The following GLIS3 variants were observed in gnomAD, a reference collection of about 807,000 sequenced individuals.
GLIS3 encodes GLIS family zinc finger 3.
GLIS3 carries 53 observed loss-of-function variants against 78.6 expected under a neutral mutation model. That is an observed-to-expected ratio of 0.67 (90% CI 0.54 to 0.85). The LOEUF (loss-of-function observed/expected upper bound fraction) is 0.85, where lower values mean the gene tolerates loss of function less well. Among genes scored for constraint, GLIS3 ranks in the 40% least tolerant of loss-of-function variants. The probability of loss-of-function intolerance (pLI) is 0.00; values close to 1 mark genes in which losing one functional copy is unlikely to be tolerated. For missense variants in GLIS3, 1,703 were observed against 1,231.1 expected (o/e 1.38, Z -5.74); for synonymous variants, 684 against 509.9 (o/e 1.34, Z -4.60).
At chr9:3,970,695 T>C (rs1455613868) in intron 4 of GLIS3, among the ~76,000 whole-genome samples, 2 of 152,170 alleles carry the variant, frequency 1.3e-5, no homozygotes, top group African/African-American at 4.8e-5. Context: ...GAGCAGAAAC[T>C]GAGATTAAGT....
chr9:4,005,568 G>T (rs1279873510), intron 4 of GLIS3, among the ~76,000 whole-genome samples: 1 of 152,156 alleles, frequency 6.6e-6, no homozygotes, highest in African/African-American at 2.4e-5. Flanking sequence ...CATCAATAAA[G>T]TGGGGATAAG....
At chr9:4,140,194 C>T (rs1416209527) in intron 2 of GLIS3, among the ~76,000 whole-genome samples, 1 of 152,104 alleles carries the variant, frequency 6.6e-6, no homozygotes, top group African/African-American at 2.4e-5. Flanking sequence ...CATGGTGGCG[C>T]GTGCCTATAA....
intron 4 of GLIS3, among the ~76,000 whole-genome samples, chr9:4,063,559 T>A (rs1315510904): frequency 1.4e-4 from 20 of 144,316 alleles, no homozygotes; most frequent in African/African-American, 3.0e-4. Context: ...GTTCATGATT[T>A]AAAAAAAAAA....
At chr9:4,168,535 TA>T (rs1318880648) in intron 2 of GLIS3, among the ~76,000 whole-genome samples, 9 of 152,224 alleles carry the variant, frequency 5.9e-5, no homozygotes, top group African/African-American at 2.2e-4. Flanking sequence ...GCAAGTGGTT[TA>T]AAGCTCTTTA....
chr9:4,179,402 C>G (rs1466623305), intron 2 of GLIS3, among the ~76,000 whole-genome samples: 2 of 152,114 alleles, frequency 1.3e-5, no homozygotes, highest in Non-Finnish European at 2.9e-5. Flanking sequence ...TTTCAAAGGT[C>G]TTCTAAGATT....
chr9:4,336,161 C>A (rs1817753135), intron 2 of GLIS3, among the ~76,000 whole-genome samples: 1 of 152,180 alleles, frequency 6.6e-6, no homozygotes, highest in Admixed American at 6.5e-5. Flanking sequence ...CTGGCTCTAG[C>A]CCACTGCCAA....
intron 2 of GLIS3, among the ~76,000 whole-genome samples, chr9:4,241,075 C>T (rs1438591263): frequency 6.6e-6 from 1 of 152,112 alleles, no homozygotes; most frequent in African/African-American, 2.4e-5. Context: ...ACATCTCTCC[C>T]CAACTGGACA....
At position 4,188,921 on chromosome 9, in the gene GLIS3, A is replaced by C. The variant is rs906344746; in HGVS notation, c.389-62980T>G. On this transcript the variant is annotated intron_variant, in intron 2 of 10. Transcript: ENST00000381971. ...TATTAGTCTTGCTAGCGGTCTATCA[A>C]TTTTGTTGATCCTTTCAACAAACCA... is the stretch of plus-strand genomic sequence containing the variant. Among the ~76,000 whole-genome samples the C allele has an allele frequency of 6.6e-5, 10 of 152,162 alleles. No individual in the cohort carries two copies. In the East Asian group the frequency reaches 1.7e-3, roughly 26 times the overall value.
At position 4,221,580 on chromosome 9, in the gene GLIS3, T is replaced by G. The variant is rs571324324; in HGVS notation, c.388+64458A>C. Among the ~76,000 whole-genome samples the G allele has an allele frequency of 2.6e-5, 4 of 151,664 alleles. No individual in the cohort carries two copies. The East Asian group carries it at 7.7e-4, about 29-fold the overall frequency. Reference sequence around the variant, plus strand: ...GATTTAATTCAGATACCTGACTTGATTTTTTTTTCAAGTCCCCCCTTTAAT... The same window carrying G: ...GATTTAATTCAGATACCTGACTTGAGTTTTTTTTCAAGTCCCCCCTTTAAT... On this transcript the variant is annotated intron_variant, in intron 2 of 10. Coordinates refer to ENST00000381971, the MANE Select transcript of GLIS3 (RefSeq NM_001042413.2).
the GLIS3 span, among the ~76,000 whole-genome samples, chr9:4,464,895 G>C: frequency 3.9e-5 from 6 of 152,164 alleles, no homozygotes; most frequent in Non-Finnish European, 8.8e-5. Context: ...GTGAATATGA[G>C]AAGAAACCCC....
upstream of GLIS3, among the ~76,000 whole-genome samples, chr9:4,304,976 G>A (rs762893179): frequency 1.2e-4 from 18 of 152,272 alleles, no homozygotes; most frequent in African/African-American, 2.4e-4. Flanking sequence ...GACCTGCCCC[G>A]GGTAAGAGTG....
chr9:3,977,613 C>T lies in GLIS3; in HGVS notation c.1711-40424G>A, dbSNP rs924208616. Among the ~76,000 whole-genome samples the T allele has an allele frequency of 1.3e-5, 2 of 152,148 alleles. No individual in the cohort carries two copies. Among genetic ancestry groups the T allele is most frequent in the Non-Finnish European group, 2.9e-5 (2 of 68,016 alleles). ...CAGATTTTCAATAACAAATCTGTCA[C>T]TCCGATTTTAATTAGACGGCTTAAA... is the stretch of plus-strand genomic sequence containing the variant. On this transcript the variant is annotated intron_variant, in intron 4 of 10. Transcript: ENST00000381971. This position sits in a 1 kb window ranked among gnomAD's most constrained non-coding sequence, Gnocchi z 4.1.
the GLIS3 span, among the ~76,000 whole-genome samples, chr9:4,477,600 G>T: frequency 1.3e-5 from 2 of 152,078 alleles, no homozygotes; most frequent in Non-Finnish European, 2.9e-5. Flanking sequence ...TTTTTGTAGA[G>T]ATAAGGTCTC....
At chr9:4,020,668 C>A (rs979236577) in intron 4 of GLIS3, among the ~76,000 whole-genome samples, 2 of 152,182 alleles carry the variant, frequency 1.3e-5, no homozygotes, top group Non-Finnish European at 2.9e-5. Context: ...GCAGTAAAAG[C>A]CTGAGCTTCC....
intron 4 of GLIS3, among the ~76,000 whole-genome samples, chr9:4,114,607 T>C (rs1056574038): frequency 6.6e-6 from 1 of 152,200 alleles, no homozygotes; most frequent in Non-Finnish European, 1.5e-5. Flanking sequence ...TAGAAAGTAC[T>C]ATAGTTAATA....
At chr9:4,366,242 A>C in the GLIS3 span, among the ~76,000 whole-genome samples, 1 of 152,220 alleles carries the variant, frequency 6.6e-6, no homozygotes, top group African/African-American at 2.4e-5. Context: ...TGAACATTTA[A>C]TTAGATTTTA....
intron 2 of GLIS3, among the ~76,000 whole-genome samples, chr9:4,203,366 T>C (rs563467252): frequency 6.6e-6 from 1 of 152,336 alleles, no homozygotes; most frequent in Non-Finnish European, 1.5e-5. Flanking sequence ...GGAATGCTTA[T>C]ATGCTGTCAG....
At chr9:4,167,426 T>C (rs1269444551) in intron 2 of GLIS3, among the ~76,000 whole-genome samples, 1 of 152,198 alleles carries the variant, frequency 6.6e-6, no homozygotes, top group Non-Finnish European at 1.5e-5. Flanking sequence ...CCAGATTTTC[T>C]GCTAAGTGAT....
the GLIS3 span, among the ~76,000 whole-genome samples, chr9:4,393,505 T>G: frequency 1.3e-5 from 2 of 152,224 alleles, no homozygotes; most frequent in South Asian, 4.1e-4. Flanking sequence ...TCTAACCATT[T>G]GGTTTTTCCA....
Sources: allele counts gnomAD v4.1 joint callset (sites outside exome capture counted in the v4.1 genomes callset), GRCh38; gene constraint gnomAD v4.1.1; non-coding constraint Gnocchi (gnomAD v3.1); transcripts MANE v1.5; gene names NCBI Gene and HGNC (gene_info 2026-07-23, HGNC 2026-07-21).